Variants in REEP1 observed in about 807,000 individuals in gnomAD.
REEP1 encodes receptor expression-enhancing protein 1.
REEP1 carries 22 observed loss-of-function variants against 40.3 expected under a neutral mutation model. The observed-to-expected ratio is 0.55, with a 90% CI of 0.39 to 0.78. The LOEUF (loss-of-function observed/expected upper bound fraction) is 0.78. REEP1 is among the 30% of genes least tolerant of loss of function. The probability of loss-of-function intolerance (pLI) is 0.00; values close to 1 mark genes in which losing one functional copy is unlikely to be tolerated. For missense variants in REEP1, 280 were observed against 361.1 expected (o/e 0.78, Z 1.82); for synonymous variants, 116 against 139.2 (o/e 0.83, Z 1.17).
intron 1 of REEP1, among the ~76,000 whole-genome samples, chr2:86,304,550 G>A (rs935799411): frequency 1.4e-4 from 21 of 152,080 alleles, no homozygotes; most frequent in Admixed American, 6.5e-4. Context: ...ACACAAACCC[G>A]CATTCCCCTC....
intron 1 of REEP1, among the ~76,000 whole-genome samples, chr2:86,327,095 G>A (rs1056235171): frequency 5.9e-5 from 9 of 152,130 alleles, no homozygotes; most frequent in African/African-American, 2.2e-4. Context: ...GATGCAGTGT[G>A]AAAAACACTA....
In REEP1 at chr2:86,231,997, G is replaced by A. The variant is rs142931936; in HGVS notation, c.595+628C>T. Among the ~76,000 whole-genome samples, 329 of 152,298 alleles carry A rather than the reference G, an allele frequency of 2.2e-3. 6 individuals are homozygous for A. Among genetic ancestry groups the A allele is most frequent in the African/African-American group, 7.6e-3 (315 of 41,560 alleles). ...CAATACCAGCAATCCCACGATGGGCGTGTGACACCAGAGTCAGACATTGGA... is the reference window on the plus strand; with the variant it reads ...CAATACCAGCAATCCCACGATGGGCATGTGACACCAGAGTCAGACATTGGA... On this transcript the variant is annotated intron_variant, in intron 6 of 8. Coordinates refer to ENST00000538924, the MANE Select transcript of REEP1 (RefSeq NM_001371279.1).
chr2:86,217,122 A>G lies in REEP1; in HGVS notation c.784-12T>C. Reference sequence around the variant, plus strand: ...ATTCTAGGCGGTGCCTGGTAGAGAAAACAGAAAGGTGTCCCTCAGTTTGGT... The same window carrying G: ...ATTCTAGGCGGTGCCTGGTAGAGAAGACAGAAAGGTGTCCCTCAGTTTGGT... On this transcript the variant is annotated splice_polypyrimidine_tract_variant and intron_variant, in intron 8 of 8. Coordinates refer to ENST00000538924, the MANE Select transcript of REEP1 (RefSeq NM_001371279.1). 6.2e-7 allele frequency: 1 copy of G among 1,611,114 alleles called. No homozygotes were observed. Among genetic ancestry groups the G allele is most frequent in the African/African-American group, 1.3e-5 (1 of 74,944 alleles).
chr2:86,299,337 C>A (rs994491733), intron 1 of REEP1, among the ~76,000 whole-genome samples: 11 of 152,220 alleles, frequency 7.2e-5, no homozygotes, highest in African/African-American at 2.7e-4. Context: ...CTGTCCTCAG[C>A]ATTATCCCTG....
At position 86,286,899 on chromosome 2, in the gene REEP1, A is replaced by C. The variant is rs139698096; in HGVS notation, c.33-4657T>G. ...AAATTTAAAAATCAATGCTGGCAAT[A>C]TATTTTTCTAAGATTAATTTTTTAA... On this transcript the variant is annotated intron_variant, in intron 1 of 8. Transcript: ENST00000538924. 7.5e-3 allele frequency among the ~76,000 whole-genome samples: 1,139 copies of C among 152,330 alleles called. 22 individuals are homozygous for C. The highest frequency in any genetic ancestry group is 0.025 in the African/African-American group (1,048 of 41,564).
chr2:86,232,110 G>T (rs1277800215), intron 6 of REEP1, among the ~76,000 whole-genome samples: 1 of 152,196 alleles, frequency 6.6e-6, no homozygotes, highest in Non-Finnish European at 1.5e-5. Flanking sequence ...GAGGCTGGGG[G>T]TGGTGTGAGG....
At chr2:86,221,379 T>C (rs1260247566) in intron 7 of REEP1, among the ~76,000 whole-genome samples, 1 of 152,200 alleles carries the variant, frequency 6.6e-6, no homozygotes, top group Non-Finnish European at 1.5e-5. Flanking sequence ...TGATGTTCCT[T>C]TGATTTTTAA....
At chr2:86,276,674 T>C (rs1677773155) in intron 2 of REEP1, among the ~76,000 whole-genome samples, 1 of 152,140 alleles carries the variant, frequency 6.6e-6, no homozygotes, top group Admixed American at 6.5e-5. Flanking sequence ...GTGACCAACA[T>C]ATGGTGGTGC....
intron 5 of REEP1, among the ~76,000 whole-genome samples, chr2:86,247,989 T>G (rs1187364460): frequency 6.6e-6 from 1 of 152,208 alleles, no homozygotes; most frequent in Non-Finnish European, 1.5e-5. Context: ...CTCAACATTA[T>G]TTTTGAAAGG....
chr2:86,308,172 T>C (rs1679591285), intron 1 of REEP1, among the ~76,000 whole-genome samples: 1 of 152,216 alleles, frequency 6.6e-6, no homozygotes, highest in Non-Finnish European at 1.5e-5. Context: ...CATCAGCCAG[T>C]GCACACTGCT....
intron 5 of REEP1, among the ~76,000 whole-genome samples, chr2:86,247,477 T>A (rs185516972): frequency 1.3e-5 from 2 of 152,184 alleles, no homozygotes; most frequent in East Asian, 3.9e-4. Context: ...GGTAGGAGGA[T>A]CACTTGAACC....
At chr2:86,221,158 C>A (rs1674407631) in intron 7 of REEP1, among the ~76,000 whole-genome samples, 1 of 152,198 alleles carries the variant, frequency 6.6e-6, no homozygotes, top group Non-Finnish European at 1.5e-5. Flanking sequence ...TGTGCTCTCT[C>A]TCCATCAACA....
At chr2:86,227,496 C>A in intron 6 of REEP1, 98 bp from the exon 7 acceptor site, 3 of 983,668 alleles carry the variant, frequency 3.0e-6, no homozygotes, top group South Asian at 5.2e-5. Context: ...GTGGGGATCC[C>A]AGTGTGTACA....
chr2:86,319,340 G>A (rs1558935067), intron 1 of REEP1, among the ~76,000 whole-genome samples: 1 of 152,164 alleles, frequency 6.6e-6, no homozygotes, highest in Admixed American at 6.5e-5. Flanking sequence ...TATAAAGCTT[G>A]GACCATGGTA....
At chr2:86,311,572 A>G (rs1679766516) in intron 1 of REEP1, among the ~76,000 whole-genome samples, 4 of 152,118 alleles carry the variant, frequency 2.6e-5, no homozygotes, top group Admixed American at 2.6e-4. Flanking sequence ...CATCACTCCA[A>G]TCTGGCTCAA....
chr2:86,265,924 C>T (rs1389799319), intron 2 of REEP1, among the ~76,000 whole-genome samples: 1 of 152,090 alleles, frequency 6.6e-6, no homozygotes, highest in Non-Finnish European at 1.5e-5. Flanking sequence ...CACTTGTACC[C>T]CCTAAAGCTA....
chr2:86,285,330 C>G (rs962884910), intron 1 of REEP1, among the ~76,000 whole-genome samples: 2 of 152,224 alleles, frequency 1.3e-5, no homozygotes, highest in Admixed American at 6.5e-5. Context: ...TTCTGTGAAG[C>G]CTTTGGTTAC....
At chr2:86,224,973 A>C (rs1167294109) in intron 7 of REEP1, among the ~76,000 whole-genome samples, 1 of 152,218 alleles carries the variant, frequency 6.6e-6, no homozygotes, top group Non-Finnish European at 1.5e-5. Flanking sequence ...AGGCTTTTGG[A>C]ATGGCTCACA....
chr2:86,248,950 C>T (rs766448923), intron 5 of REEP1, among the ~76,000 whole-genome samples: 7 of 152,108 alleles, frequency 4.6e-5, no homozygotes, highest in Non-Finnish European at 1.0e-4. Context: ...CAGCCAGGTG[C>T]GAGGCACTGT....
Sources: allele counts gnomAD v4.1 joint callset (sites outside exome capture counted in the v4.1 genomes callset), GRCh38; gene constraint gnomAD v4.1.1; transcripts MANE v1.5; gene names NCBI Gene and HGNC (gene_info 2026-07-23, HGNC 2026-07-21).